RFLNA: variants seen among roughly 807,000 people sequenced by gnomAD.
The protein encoded by RFLNA is refilin-A.
RFLNA carries 5 observed loss-of-function variants against 7.8 expected under a neutral mutation model. That is an observed-to-expected ratio of 0.64 (90% CI 0.34 to 1.35). The LOEUF is 1.35. Ranked by LOEUF, RFLNA falls within the 40% of genes most tolerant of loss-of-function variation. The pLI, the probability that RFLNA is intolerant of heterozygous loss-of-function variation, is 0.04. For synonymous variants in RFLNA, 141 were observed against 131.3 expected (o/e 1.07, Z -0.50); for missense variants, 278 against 305.5 (o/e 0.91, Z 0.67).
chr12:124,302,794 AGGTCAGGGGCTGAGGTCAG>A, intron 1 of RFLNA, among the ~76,000 whole-genome samples: 5 of 136,870 alleles, frequency 3.7e-5, no homozygotes, highest in Non-Finnish European at 4.8e-5. Flanking sequence ...CAGGGGGCCG[AGGTCAGGGGCTGAGGTCAG>A]GGGCCGAGGT....
intron 2 of RFLNA, among the ~76,000 whole-genome samples, chr12:124,313,406 T>C (rs563853570): frequency 2.6e-5 from 4 of 152,238 alleles, no homozygotes; most frequent in African/African-American, 7.2e-5. Flanking sequence ...CGGCTGGGCG[T>C]GGTGGCTCAT....
chr12:124,314,636 G>A lies in RFLNA; in HGVS notation c.*111G>A, dbSNP rs1458579754. ...CACTCGGGCAGGAGGCGGGAAGGGAGGCTGCCAGACCAAGGACCCGTGTGG... is the reference window on the plus strand; with the variant it reads ...CACTCGGGCAGGAGGCGGGAAGGGAAGCTGCCAGACCAAGGACCCGTGTGG... On this transcript the variant is annotated 3_prime_UTR_variant, in exon 3 of 3. Coordinates refer to ENST00000546355, the MANE Select transcript of RFLNA (RefSeq NM_001365156.1). 2.6e-6 allele frequency: 4 copies of A among 1,512,666 alleles called. No individual in the cohort carries two copies. The African/African-American group carries it at 5.5e-5, about 21-fold the overall frequency. 93.7% of individuals were successfully genotyped at this position (1,512,666 alleles called of 1,614,324 possible).
chr12:124,308,392 A>G (rs533296195), intron 1 of RFLNA, among the ~76,000 whole-genome samples: 1 of 152,308 alleles, frequency 6.6e-6, no homozygotes, highest in African/African-American at 2.4e-5. Flanking sequence ...TCTATTCCAA[A>G]TAAGATCCTG....
At chr12:124,311,962 G>T in intron 2 of RFLNA, 35 bp downstream of exon 2, 1 of 1,516,384 alleles carries the variant, frequency 6.6e-7, no homozygotes, top group South Asian at 1.2e-5. Context: ...CGGGAGGAGG[G>T]GGTGGGGGGT....
At chr12:124,297,228 G>C (rs2033944888) in intron 1 of RFLNA, among the ~76,000 whole-genome samples, 1 of 152,114 alleles carries the variant, frequency 6.6e-6, no homozygotes, top group African/African-American at 2.4e-5. Context: ...TCTGCCATCC[G>C]GGCCAGCCCG....
intron 1 of RFLNA, among the ~76,000 whole-genome samples, chr12:124,310,172 C>CAAAAAAAAAAAAAAAAA (rs71088996): frequency 0.014 from 233 of 17,082 alleles, 77 homozygotes; most frequent in Non-Finnish European, 0.022. Flanking sequence ...GACTCTGTCT[C>CAAAAAAAAAAAAAAAAA]AAAAAAAAAA....
intron 1 of RFLNA, among the ~76,000 whole-genome samples, chr12:124,309,651 C>A (rs11833868): frequency 6.6e-6 from 1 of 152,208 alleles, no homozygotes; most frequent in Non-Finnish European, 1.5e-5. Flanking sequence ...GCCCTTGGAG[C>A]GGGCACGTGT....
At chr12:124,302,195 T>C (rs2034049736) in intron 1 of RFLNA, among the ~76,000 whole-genome samples, 1 of 152,186 alleles carries the variant, frequency 6.6e-6, no homozygotes, top group Non-Finnish European at 1.5e-5. Flanking sequence ...CCAAATAAGG[T>C]GACAGTTGCA....
Position 124,306,682 on chromosome 12 carries a change from G to A in RFLNA, c.208-5136G>A, listed in dbSNP as rs1207265371. On this transcript the variant is annotated intron_variant, in intron 1 of 2. Coordinates refer to ENST00000546355, the MANE Select transcript of RFLNA (RefSeq NM_001365156.1). This position sits in a 1 kb window ranked among gnomAD's most constrained non-coding sequence, Gnocchi z 5.2. ...AAATGGGGGTGCTGCCAGCAGCTGC[G>A]TGCTGGGGTTTTTTATAAGGATCAG... 2.0e-5 allele frequency among the ~76,000 whole-genome samples: 3 copies of A among 152,188 alleles called. No individual in the cohort carries two copies. The highest frequency in any genetic ancestry group is 7.2e-5 in the African/African-American group (3 of 41,444).
chr12:124,296,053 C>A (rs564189787), intron 1 of RFLNA, among the ~76,000 whole-genome samples: 3 of 148,898 alleles, frequency 2.0e-5, no homozygotes, highest in African/African-American at 7.5e-5. Context: ...ACTGTCCGGG[C>A]GCTGCCAATG....
chr12:124,296,209 A>G (rs1311166856), intron 1 of RFLNA, among the ~76,000 whole-genome samples: 1 of 125,188 alleles, frequency 8.0e-6, no homozygotes, highest in African/African-American at 3.1e-5. Context: ...CTTTTTTTTA[A>G]ATAACCAAAC....
At chr12:124,297,784 C>T (rs1251675143) in intron 1 of RFLNA, among the ~76,000 whole-genome samples, 14 of 152,242 alleles carry the variant, frequency 9.2e-5, no homozygotes, top group African/African-American at 3.4e-4. Context: ...CTGGCGCCCA[C>T]TCTTCTCAGC....
rs778623698 is a variant in RFLNA, at chr12:124,289,897, G to A, written c.-37+527G>A. 1.3e-5 allele frequency among the ~76,000 whole-genome samples: 2 copies of A among 152,164 alleles called. No homozygotes were observed. Among genetic ancestry groups the A allele is most frequent in the Non-Finnish European group, 2.9e-5 (2 of 68,016 alleles). On this transcript the variant is annotated intron_variant, in intron 1 of 2. Coordinates refer to the RFLNA transcript ENST00000324038. The surrounding 1 kb of genome is among the most constrained non-coding windows in gnomAD (Gnocchi z 5.0). ...GGCCTGCTGAGGATGCAGAGTCCCA[G>A]GTCTCACGGTTGTACAGTCACCGGG...
intron 1 of RFLNA, among the ~76,000 whole-genome samples, chr12:124,308,242 A>T (rs1164169532): frequency 1.3e-5 from 2 of 152,172 alleles, no homozygotes; most frequent in African/African-American, 4.8e-5. Context: ...TCGGCCTCCC[A>T]AAGTGCTAGG....
chr12:124,311,563 G>C (rs2034243956), intron 1 of RFLNA: 1 of 375,222 alleles, frequency 2.7e-6, no homozygotes, highest in Non-Finnish European at 4.7e-6. Flanking sequence ...CACACCCCTT[G>C]TTGAGAACTG....
intron 1 of RFLNA, among the ~76,000 whole-genome samples, chr12:124,308,615 T>G (rs1301632166): frequency 6.6e-6 from 1 of 152,230 alleles, no homozygotes; most frequent in Non-Finnish European, 1.5e-5. Flanking sequence ...CAGACCAGAC[T>G]GTGACCTCCC....
intron 2 of RFLNA, among the ~76,000 whole-genome samples, chr12:124,313,548 G>A (rs1451580675): frequency 2.6e-5 from 4 of 152,014 alleles, no homozygotes; most frequent in Admixed American, 6.5e-5. Flanking sequence ...GCATGGTGGC[G>A]GGCGCCTGTA....
chr12:124,311,820 C>A lies in RFLNA; in HGVS notation c.210C>A (p.Pro70=). Residue 70 remains proline, a splice_region_variant and synonymous_variant, in exon 2 of 3, where the codon CCC becomes CCA. Coordinates refer to ENST00000546355, the MANE Select transcript of RFLNA (RefSeq NM_001365156.1). ...EPPGPSEARA[P]PSQLPNPPAS... is the part of the protein sequence containing the mutation. ...CGTGTCCCTGGCTCTCCCCACAGCC[C>A]CCCTCCCAACTCCCAAATCCCCCGG... 6.3e-7 allele frequency: 1 copy of A among 1,586,660 alleles called. No homozygotes were observed. The highest frequency in any genetic ancestry group is 8.6e-7 in the Non-Finnish European group (1 of 1,167,674).
At chr12:124,298,851 A>T (rs909962178) in intron 1 of RFLNA, among the ~76,000 whole-genome samples, 9 of 152,246 alleles carry the variant, frequency 5.9e-5, no homozygotes, top group African/African-American at 1.9e-4. Flanking sequence ...AGTCCGAGAC[A>T]ATGGCATGTG....
Sources: allele counts gnomAD v4.1 joint callset (sites outside exome capture counted in the v4.1 genomes callset), GRCh38; gene constraint gnomAD v4.1.1; non-coding constraint Gnocchi (gnomAD v3.1); transcripts MANE v1.5; gene names NCBI Gene and HGNC (gene_info 2026-07-23, HGNC 2026-07-21).